The following TARS3 variants were observed in gnomAD, a reference collection of about 807,000 sequenced individuals.
The protein encoded by TARS3 is threonine--tRNA ligase 2, cytoplasmic.
Under a neutral mutation model 103.5 loss-of-function variants are expected in TARS3, and 94 were observed. That is an observed-to-expected ratio of 0.91 (90% CI 0.77 to 1.08). The LOEUF (loss-of-function observed/expected upper bound fraction) is 1.08, where lower values mean the gene tolerates loss of function less well. Among genes scored for constraint, TARS3 ranks in the 50% least tolerant of loss-of-function variants. The probability of loss-of-function intolerance (pLI) is 0.00; values close to 1 mark genes in which losing one functional copy is unlikely to be tolerated. For missense variants in TARS3, 952 were observed against 995.2 expected, an observed-to-expected ratio of 0.96 and a Z score of 0.58; for synonymous variants, 416 against 355.4, an observed-to-expected ratio of 1.17 and a Z score of -1.92.
intron 6 of TARS3, among the ~76,000 whole-genome samples, chr15:101,706,321 T>G (rs1178200891): frequency 6.6e-6 from 1 of 152,090 alleles, no homozygotes. Flanking sequence ...AGATGTGCAG[T>G]GAGTATAAAA....
intron 3 of TARS3, among the ~76,000 whole-genome samples, chr15:101,716,093 C>T (rs763463436): frequency 1.3e-5 from 2 of 151,580 alleles, no homozygotes; most frequent in East Asian, 1.9e-4. Flanking sequence ...CTTGGCTCAC[C>T]GCAACCCCTG....
intron 15 of TARS3, among the ~76,000 whole-genome samples, chr15:101,668,103 A>C (rs1028046960): frequency 6.6e-6 from 1 of 152,172 alleles, no homozygotes; most frequent in Non-Finnish European, 1.5e-5. Context: ...TAGCACTTTT[A>C]ATGTCCTTCA....
intron 13 of TARS3, among the ~76,000 whole-genome samples, chr15:101,674,344 G>C (rs1450705916): frequency 6.6e-6 from 1 of 152,118 alleles, no homozygotes; most frequent in Admixed American, 6.5e-5. Flanking sequence ...AAAGGTGAAA[G>C]TTATCCATTT....
intron 1 of TARS3, 31 bp from the exon 2 acceptor site, chr15:101,723,195 A>G: frequency 1.3e-6 from 2 of 1,590,404 alleles, no homozygotes; most frequent in Non-Finnish European, 1.7e-6. Flanking sequence ...GACTCACATC[A>G]ATGGCAAGAA....
At chr15:101,687,857 T>A (rs558260564) in intron 10 of TARS3, among the ~76,000 whole-genome samples, 1 of 152,272 alleles carries the variant, frequency 6.6e-6, no homozygotes, top group South Asian at 2.1e-4. Flanking sequence ...TCTCTGGTCC[T>A]CTTTCTGCCA....
At chr15:101,705,300 T>C (rs1343952020) in intron 7 of TARS3, among the ~76,000 whole-genome samples, 1 of 152,190 alleles carries the variant, frequency 6.6e-6, no homozygotes, top group African/African-American at 2.4e-5. Flanking sequence ...CAGACTCTTC[T>C]ACACTTGCAC....
At chr15:101,702,141 A>G (rs1001240591) in intron 9 of TARS3, 98 bp downstream of exon 9, 1 of 1,457,542 alleles carries the variant, frequency 6.9e-7, no homozygotes. Context: ...AGAGAAGAAG[A>G]AGAAATCTTA....
At chr15:101,710,420 T>C (rs566488541) in intron 5 of TARS3, among the ~76,000 whole-genome samples, 1 of 152,322 alleles carries the variant, frequency 6.6e-6, no homozygotes, top group East Asian at 1.9e-4. Context: ...AGGTCAAAAG[T>C]ATGGAAGGCC....
intron 15 of TARS3, among the ~76,000 whole-genome samples, chr15:101,663,274 C>T (rs550440049): frequency 4.2e-4 from 64 of 152,280 alleles, no homozygotes; most frequent in African/African-American, 1.1e-3. Context: ...ACATGAGCCA[C>T]GCTGGTGTCC....
chr15:101,704,361 AG>A (rs1472096198), intron 7 of TARS3, among the ~76,000 whole-genome samples: 14 of 152,320 alleles, frequency 9.2e-5, no homozygotes, highest in African/African-American at 3.4e-4. Context: ...ATCTTTACAT[AG>A]AAAGTCACAG....
Position 101,683,594 on chromosome 15 carries a change from A to G in TARS3, c.1650+481T>C, listed in dbSNP as rs530584280. 4.6e-5 allele frequency among the ~76,000 whole-genome samples: 7 copies of G among 152,322 alleles called. No individual in the cohort carries two copies. The South Asian group carries it at 1.5e-3, about 32-fold the overall frequency. ...TACCTCCCTCACACCTCGGTACAACATTGGCATATTACCCACCCCACATGA... is the reference window on the plus strand; with the variant it reads ...TACCTCCCTCACACCTCGGTACAACGTTGGCATATTACCCACCCCACATGA... On this transcript the variant is annotated intron_variant, in intron 12 of 18. Coordinates refer to ENST00000335968, the MANE Select transcript of TARS3 (RefSeq NM_152334.3).
chr15:101,657,163 T>C (rs1897223447), intron 17 of TARS3, 127 bp from the exon 18 acceptor site: 2 of 596,138 alleles, frequency 3.4e-6, no homozygotes, highest in Non-Finnish European at 2.9e-6. Context: ...AGAGCGGGTC[T>C]GCGTGACCAT....
At chr15:101,700,602 T>G (rs984082645) in intron 10 of TARS3, among the ~76,000 whole-genome samples, 1 of 152,140 alleles carries the variant, frequency 6.6e-6, no homozygotes, top group Non-Finnish European at 1.5e-5. Context: ...AAACAGAAAT[T>G]ATCTCCATGT....
chr15:101,664,595 G>T (rs1897506980), intron 15 of TARS3, among the ~76,000 whole-genome samples: 1 of 152,170 alleles, frequency 6.6e-6, no homozygotes, highest in Non-Finnish European at 1.5e-5. Flanking sequence ...CCACAAAAGT[G>T]GGCTGGAAAT....
At chr15:101,658,461 T>G (rs2939586) in intron 16 of TARS3, among the ~76,000 whole-genome samples, 24,853 of 151,900 alleles carry the variant, frequency 0.16, 2,357 homozygotes, top group Non-Finnish European at 0.21. Flanking sequence ...ATATTCTTTA[T>G]ATGACAAAAT....
Position 101,692,038 on chromosome 15 carries a change from C to A in TARS3, c.1321-5976G>T, listed in dbSNP as rs78395473. ...GCCAATTCCTCATAATAAATCTCTT[C>A]TTTTCTATGTATCTTGTTGGTTCTG... On this transcript the variant is annotated intron_variant, in intron 10 of 18. Transcript: ENST00000335968. Among the ~76,000 whole-genome samples, 1,017 of 152,310 alleles carry A rather than the reference C, an allele frequency of 6.7e-3. 12 individuals are homozygous for A. The highest frequency in any genetic ancestry group is 0.023 in the African/African-American group (939 of 41,564).
At chr15:101,724,008 C>G in intron 1 of TARS3, 83 bp downstream of exon 1, 10 of 1,249,050 alleles carry the variant, frequency 8.0e-6, no homozygotes, top group Non-Finnish European at 1.0e-5. Flanking sequence ...CCGCACCTGC[C>G]CCCGCAGTTG....
intron 18 of TARS3, among the ~76,000 whole-genome samples, chr15:101,655,696 G>A (rs1186129146): frequency 1.3e-5 from 2 of 148,382 alleles, no homozygotes; most frequent in Non-Finnish European, 3.0e-5. Flanking sequence ...CCTGGCACTA[G>A]GGTGCAAATG....
At chr15:101,723,246 G>C (rs1900581801) in intron 1 of TARS3, 82 bp from the exon 2 acceptor site, 4 of 1,291,964 alleles carry the variant, frequency 3.1e-6, no homozygotes, top group Non-Finnish European at 4.5e-6. Flanking sequence ...CCAGCAGGCT[G>C]CAAGTGCCCC....
Sources: gnomAD v4.1 joint callset for allele counts (sites outside exome capture counted in the v4.1 genomes callset) on GRCh38, gnomAD v4.1.1 for gene constraint, MANE v1.5 for transcripts, NCBI Gene and HGNC (gene_info 2026-07-23, HGNC 2026-07-21) for gene names.